The following JAK3 variants were observed in gnomAD, a reference collection of about 807,000 sequenced individuals.
JAK3 encodes the protein Janus kinase 3, also known as tyrosine-protein kinase JAK3.
Under a neutral mutation model 120.8 loss-of-function variants are expected in JAK3, and 88 were observed. That is an observed-to-expected ratio of 0.73 (90% CI 0.61 to 0.87). The LOEUF (loss-of-function observed/expected upper bound fraction) is 0.87. Among genes scored for constraint, JAK3 ranks in the 40% least tolerant of loss-of-function variants. The probability of loss-of-function intolerance (pLI) is 0.00; values close to 1 mark genes in which losing one functional copy is unlikely to be tolerated. For missense variants in JAK3, 1,254 were observed against 1,501.4 expected (o/e 0.84, Z 2.72); for synonymous variants, 592 against 628.6 (o/e 0.94, Z 0.87).
chr19:17,831,286 G>C lies in JAK3; in HGVS notation c.2920C>G (p.Leu974Val). The change falls in exon 21 of 24, where the codon CTG becomes GTG. Residue 974 changes from leucine to valine, a missense_variant. Coordinates refer to ENST00000458235, the MANE Select transcript of JAK3 (RefSeq NM_000215.4). This position sits in a 1 kb window ranked among gnomAD's most constrained non-coding sequence, Gnocchi z 5.1. ...KIADFGLAKL[L>V]PLDKDYYVVR... The stretch of plus-strand genomic sequence containing the variant: ...ACGTAGTAGTCTTTGTCAAGCGGCA[G>C]CAGCTTAGCTAGGCCGAAGTCAGCG... 6.2e-7 allele frequency: 1 copy of C among 1,612,806 alleles called. No homozygotes were observed.
chr19:17,835,620 C>G (rs1208340044), intron 14 of JAK3, among the ~76,000 whole-genome samples: 2 of 152,178 alleles, frequency 1.3e-5, no homozygotes, highest in Admixed American at 6.5e-5. Context: ...GTTCCCTCAG[C>G]CTGACATTCC....
At chr19:17,828,890 C>T (rs1386109115) in intron 23 of JAK3, among the ~76,000 whole-genome samples, 1 of 152,118 alleles carries the variant, frequency 6.6e-6, no homozygotes, top group Non-Finnish European at 1.5e-5. Flanking sequence ...TGTGGTGGCT[C>T]ACGTCTGTAA....
In JAK3 at chr19:17,841,354, G is replaced by T. The variant is rs201528751; in HGVS notation, c.1142+35C>A. 7.6e-5 allele frequency: 117 copies of T among 1,535,334 alleles called. No individual in the cohort carries two copies. Among genetic ancestry groups the T allele is most frequent in the Non-Finnish European group, 9.7e-5 (111 of 1,143,488 alleles). ...TAGAGAAGGGGAGGGGCCCTGAGTG[G>T]CCACAGAGGCCGGGAATGGGGGACA... On this transcript the variant is annotated intron_variant, in intron 8 of 23. Transcript: ENST00000458235. The surrounding 1 kb of genome is among the most constrained non-coding windows in gnomAD (Gnocchi z 4.1).
chr19:17,838,076 G>C lies in JAK3; in HGVS notation c.1570-13C>G, dbSNP rs1387024097. 3 of 1,614,130 alleles carry C rather than the reference G, an allele frequency of 1.9e-6. No homozygotes were observed. The highest frequency in any genetic ancestry group is 1.6e-4 in the Middle Eastern group (1 of 6,062). On this transcript the variant is annotated splice_polypyrimidine_tract_variant and intron_variant, in intron 11 of 23. Coordinates refer to ENST00000458235, the MANE Select transcript of JAK3 (RefSeq NM_000215.4). ...CCAGGTTCTCATGCTGAATGGTGAG[G>C]GGACAGCAGAAGAGGCCAGTGAGGG...
Position 17,832,576 on chromosome 19 carries a change from G to T in JAK3, c.2623C>A (p.Leu875Ile). 6.2e-7 allele frequency: 1 copy of T among 1,614,232 alleles called. No homozygotes were observed. Among genetic ancestry groups the T allele is most frequent in the Non-Finnish European group, 8.5e-7 (1 of 1,180,054 alleles). The change falls in exon 19 of 24, where the codon CTC (leucine) becomes ATC (isoleucine). Residue 875 changes from leucine (L) to isoleucine (I), a missense_variant. Leu to Ile is a conservative substitution (Grantham distance 5). Around this residue, in one of 3 missense-constraint regions of JAK3, gnomAD observed 630 missense variants for 819.8 expected, o/e 0.77. Transcript: ENST00000458235. The surrounding 1 kb of genome is among the most constrained non-coding windows in gnomAD (Gnocchi z 4.7). ...ATGAAATCACTGTGCAGTGCTTTGA[G>T]GATCTGAATCTCCCGCTGAAAGTCC... is the stretch of plus-strand genomic sequence containing the variant. The part of the protein sequence containing the change: ...QRDFQREIQI[L>I]KALHSDFIVK...
At position 17,831,463 on chromosome 19, in the gene JAK3, C is replaced by A; in HGVS notation, c.2806-63G>T. The A allele has an allele frequency of 1.9e-6, 3 of 1,586,254 alleles. No homozygotes were observed. The highest frequency in any genetic ancestry group is 2.2e-5 in the South Asian group (2 of 90,702). On this transcript the variant is annotated intron_variant, in intron 20 of 23. Transcript: ENST00000458235. This position sits in a 1 kb window ranked among gnomAD's most constrained non-coding sequence, Gnocchi z 5.1. ...AGGATAATCCGGCAGGTACCCCAAG[C>A]GTGACCTGGCACCCCAACCCAGACC...
Position 17,840,235 on chromosome 19 carries a change from CACAG to C in JAK3, c.1245_1248del (p.Cys416SerfsTer48). 1.9e-6 allele frequency: 3 copies of C among 1,612,356 alleles called. No homozygotes were observed. The highest frequency in any genetic ancestry group is 2.5e-6 in the Non-Finnish European group (3 of 1,178,594). On this transcript the variant is annotated frameshift_variant, in exon 9 of 24. Transcript: ENST00000458235. LOFTEE classifies it high-confidence loss of function. Reference sequence around the variant, plus strand: ...CACCCTAGCAGTAGACCGACCTGGACACAGACAGTGAGGAGGAAGCTGTCAAAGT... The same window carrying C: ...CACCCTAGCAGTAGACCGACCTGGACACAGTGAGGAGGAAGCTGTCAAAGT...
Position 17,835,212 on chromosome 19 carries a change from C to A in JAK3, c.1918G>T (p.Asp640Tyr), listed in dbSNP as rs774135817. Residue 640 changes from aspartate to tyrosine, a missense_variant, in exon 15 of 24, where the codon GAC becomes TAC. By Grantham distance (160) the Asp-to-Tyr change is radical. Around this residue, in one of 3 missense-constraint regions of JAK3, gnomAD observed 630 missense variants for 819.8 expected, o/e 0.77. Transcript: ENST00000458235. ...ACATTGCCATGGGGCAGGCCTTTGTCCTCCTAAGGGGGCCAGACACAGGAA... is the reference window on the plus strand; with the variant it reads ...ACATTGCCATGGGGCAGGCCTTTGTACTCCTAAGGGGGCCAGACACAGGAA... ...QLAYALNYLE[D>Y]KGLPHGNVSA... 3 of 1,613,904 alleles carry A rather than the reference C, an allele frequency of 1.9e-6. No individual in the cohort carries two copies. Among genetic ancestry groups the A allele is most frequent in the Non-Finnish European group, 2.5e-6 (3 of 1,180,006 alleles).
chr19:17,839,736 T>C lies in JAK3; in HGVS notation c.1255-73A>G. ...CCTTCTCAGTCCTTCTTCCTTTTTT[T>C]TCTTTTTTTTTTTTTTTTTTTGGAG... On this transcript the variant is annotated intron_variant, in intron 9 of 23. Transcript: ENST00000458235. The C allele has an allele frequency of 3.1e-6, 4 of 1,271,080 alleles. 1 individual carries two copies. Among genetic ancestry groups the C allele is most frequent in the South Asian group, 2.8e-5 (2 of 72,496 alleles). 78.7% of individuals were successfully genotyped at this position (1,271,080 alleles called of 1,614,324 possible). A position where few individuals can be genotyped will look rare whatever the true frequency, so the allele number is the denominator to read the frequency against.
In JAK3 at chr19:17,843,547, T is replaced by G; in HGVS notation, c.309-56A>C. 7.6e-7 allele frequency: 1 copy of G among 1,317,482 alleles called. No homozygotes were observed. Among genetic ancestry groups the G allele is most frequent in the Non-Finnish European group, 1.1e-6 (1 of 928,582 alleles). 81.6% of individuals were successfully genotyped at this position (1,317,482 alleles called of 1,614,324 possible). Reference sequence around the variant, plus strand: ...AAGTGCAACCCAGCCTCAGTAGGAGTGACATTATGGTGGGGGCGAGGGACA... The same window carrying G: ...AAGTGCAACCCAGCCTCAGTAGGAGGGACATTATGGTGGGGGCGAGGGACA... On this transcript the variant is annotated intron_variant, in intron 3 of 23. Coordinates refer to ENST00000458235, the MANE Select transcript of JAK3 (RefSeq NM_000215.4). The surrounding 1 kb of genome is among the most constrained non-coding windows in gnomAD (Gnocchi z 5.4).
At chr19:17,840,668 C>T (rs938035711) in intron 8 of JAK3, among the ~76,000 whole-genome samples, 1 of 151,286 alleles carries the variant, frequency 6.6e-6, no homozygotes, top group Middle Eastern at 3.4e-3. Context: ...GAGGCTGAGG[C>T]AGGAGAATGG....
Position 17,826,510 on chromosome 19 carries a change from G to A in JAK3, c.*233C>T, listed in dbSNP as rs1364720793. The stretch of plus-strand genomic sequence containing the variant: ...TTTGGTTCCTTGCTTCTTTGGGCCA[G>A]GACTCAGAGAGCCCCACTGACACAT... On this transcript the variant is annotated 3_prime_UTR_variant, in exon 24 of 24. Transcript: ENST00000458235. 7.0e-5 allele frequency: 41 copies of A among 582,542 alleles called. No homozygotes were observed. In the East Asian group the frequency reaches 1.2e-3, roughly 17 times the overall value. The allele number at this position is 582,542 out of a possible 1,614,324, so 36.1% of individuals were successfully genotyped here. A position where few individuals can be genotyped will look rare whatever the true frequency, so the allele number is the denominator to read the frequency against.
chr19:17,843,001 C>A lies in JAK3; in HGVS notation c.566+26G>T. On this transcript the variant is annotated intron_variant, in intron 5 of 23. Coordinates refer to ENST00000458235, the MANE Select transcript of JAK3 (RefSeq NM_000215.4). The surrounding 1 kb of genome is among the most constrained non-coding windows in gnomAD (Gnocchi z 5.4). ...ACGTTGCTCACTCCCAAGCAGAGGC[C>A]GTCCCCACAGCCTGGTGGCTCTCAC... is the stretch of plus-strand genomic sequence containing the variant. The A allele has an allele frequency of 6.2e-7, 1 of 1,608,342 alleles. No homozygotes were observed. Among genetic ancestry groups the A allele is most frequent in the Non-Finnish European group, 8.5e-7 (1 of 1,179,586 alleles).
In JAK3 at chr19:17,826,848, G is replaced by T. The variant is rs376220660; in HGVS notation, c.3270C>A (p.Ala1090=). The T allele has an allele frequency of 2.5e-6, 4 of 1,613,886 alleles. No homozygotes were observed. In the African/African-American group the frequency reaches 5.3e-5, roughly 22 times the overall value. ...PSPQDRPSFS[A]LGPQLDMLWS... ...ACAGCATGTCCAGCTGGGGGCCCAG[G>T]GCGCTGAATGATGGCCGGTCCTGTG... The change falls in exon 24 of 24, where the codon GCC becomes GCA. Residue 1090 remains alanine, a synonymous_variant. Coordinates refer to ENST00000458235, the MANE Select transcript of JAK3 (RefSeq NM_000215.4).
chr19:17,836,827 A>C, intron 13 of JAK3: 1 of 497,640 alleles, frequency 2.0e-6, no homozygotes, highest in South Asian at 1.9e-5. Flanking sequence ...CCCATCCTAG[A>C]CTCCCAACCA....
At position 17,843,456 on chromosome 19, in the gene JAK3, C is replaced by T. The variant is rs1163813792; in HGVS notation, c.344G>A (p.Cys115Tyr). The T allele has an allele frequency of 1.3e-6, 2 of 1,599,516 alleles. No individual in the cohort carries two copies. The highest frequency in any genetic ancestry group is 1.1e-5 in the South Asian group (1 of 89,086). The stretch of plus-strand genomic sequence containing the variant: ...ATCCTTGCGTAGCCCGAAGCGGTGG[C>T]ACTTCTCCAGCCCAAACCAATTGGG... ...YFPNWFGLEK[C>Y]HRFGLRKDLA... Residue 115 changes from cysteine to tyrosine, a missense_variant, in exon 4 of 24, where the codon TGC becomes TAC. This residue lies in a region of JAK3 where 138 missense variants were observed against 178.7 expected (regional missense o/e 0.77). Transcript: ENST00000458235. This position sits in a 1 kb window ranked among gnomAD's most constrained non-coding sequence, Gnocchi z 5.4.
In JAK3 at chr19:17,842,317, T is replaced by C; in HGVS notation, c.860A>G (p.Glu287Gly). 1 of 1,344,822 alleles carries C rather than the reference T, an allele frequency of 7.4e-7. No homozygotes were observed. Among genetic ancestry groups the C allele is most frequent in the Non-Finnish European group, 9.8e-7 (1 of 1,024,614 alleles). The allele number at this position is 1,344,822 out of a possible 1,614,324, so 83.3% of individuals were successfully genotyped here. A position where few individuals can be genotyped will look rare whatever the true frequency, so the allele number is the denominator to read the frequency against. Residue 287 changes from glutamate to glycine, a missense_variant and splice_region_variant, in exon 6 of 24, where the codon GAG becomes GGG. Glu to Gly is a moderately conservative substitution (Grantham distance 98). Transcript: ENST00000458235. The surrounding 1 kb of genome is among the most constrained non-coding windows in gnomAD (Gnocchi z 6.4). The part of the protein sequence containing the change: ...GGIAWTQGEQ[E>G]VLQPFCDFPE... ...CCCAGCGGGGGAGTCCGCCCTCACC[T>C]CCTGTTCTCCCTGGGTCCAGGCGAT...
Position 17,842,706 on chromosome 19 carries a change from T to C in JAK3, c.567-96A>G. On this transcript the variant is annotated intron_variant, in intron 5 of 23. Transcript: ENST00000458235. The surrounding 1 kb of genome is among the most constrained non-coding windows in gnomAD (Gnocchi z 6.4). The stretch of plus-strand genomic sequence containing the variant: ...CCAGGCTTTAGCCCAGGGGCTGGGG[T>C]GCGGCCCTAGTTGGGGCACCAGGCA... 3.1e-6 allele frequency: 4 copies of C among 1,298,476 alleles called. No individual in the cohort carries two copies. Among genetic ancestry groups the C allele is most frequent in the Non-Finnish European group, 4.2e-6 (4 of 962,152 alleles). The allele number at this position is 1,298,476 out of a possible 1,614,324, so 80.4% of individuals were successfully genotyped here.
In JAK3 at chr19:17,832,739, C is replaced by T. The variant is rs2094216617; in HGVS notation, c.2491-31G>A. 1.9e-6 allele frequency: 3 copies of T among 1,614,214 alleles called. No individual in the cohort carries two copies. The African/African-American group carries it at 4.0e-5, about 22-fold the overall frequency. On this transcript the variant is annotated intron_variant, in intron 18 of 23. Transcript: ENST00000458235. The surrounding 1 kb of genome is among the most constrained non-coding windows in gnomAD (Gnocchi z 4.7). ...GGATAGCGGGACTGATGTCCAGGCACCTGGATGCTGCCCTGCCCTCTCCAA... is the reference window on the plus strand; with the variant it reads ...GGATAGCGGGACTGATGTCCAGGCATCTGGATGCTGCCCTGCCCTCTCCAA...
Sources: allele counts gnomAD v4.1 joint callset (sites outside exome capture counted in the v4.1 genomes callset), GRCh38; gene constraint gnomAD v4.1.1; regional missense constraint gnomAD v4.1.1; non-coding constraint Gnocchi (gnomAD v3.1); transcripts MANE v1.5; gene names NCBI Gene and HGNC (gene_info 2026-07-23, HGNC 2026-07-21).